ANK1: variants seen among roughly 807,000 people sequenced by gnomAD.
The protein encoded by ANK1 is ankyrin-1.
In ANK1, 51 loss-of-function variants were observed where a neutral mutation model predicts 210.4. The ratio of observed to expected loss-of-function variants is 0.24; its 90% CI spans 0.19 to 0.31. The LOEUF (loss-of-function observed/expected upper bound fraction) is 0.31. ANK1 is among the 10% of genes least tolerant of loss of function. The pLI, the probability that ANK1 is intolerant of heterozygous loss-of-function variation, is 1.00. For synonymous variants in ANK1, 967 were observed against 1,025.9 expected (o/e 0.94, Z 1.10); for missense variants, 2,051 against 2,504.4 (o/e 0.82, Z 3.86).
At chr8:41,708,602 C>T (rs1825329297) in intron 17 of ANK1, among the ~76,000 whole-genome samples, 176 bp downstream of exon 17, 1 of 152,182 alleles carries the variant, frequency 6.6e-6, no homozygotes. Context: ...AATAAGCAAC[C>T]TTTCTGACTC....
chr8:41,672,779 A>G lies in ANK1; in HGVS notation c.4671T>C (p.His1557=). ...TGTCAGACATCTCCAGCATGGTGTC[A>G]TGCTCCGTGGCCGCCAAGGGGATGG... ...LDAIPLAATE[H]DTMLEMSDMQ... is the part of the protein sequence containing the mutation. The change falls in exon 38 of 43, where the codon CAT becomes CAC. Residue 1557 remains histidine, a synonymous_variant. Transcript: ENST00000289734. 6.2e-7 allele frequency: 1 copy of G among 1,603,940 alleles called. No individual in the cohort carries two copies.
At chr8:41,885,773 C>T (rs867563931) in intron 1 of ANK1, among the ~76,000 whole-genome samples, 4 of 152,166 alleles carry the variant, frequency 2.6e-5, no homozygotes, top group African/African-American at 9.7e-5. Context: ...ATCTCTATGC[C>T]GCAGGAGAAT....
At chr8:41,782,907 A>G (rs1345094420) in intron 1 of ANK1, among the ~76,000 whole-genome samples, 1 of 152,214 alleles carries the variant, frequency 6.6e-6, no homozygotes, top group Non-Finnish European at 1.5e-5. Flanking sequence ...TAACTACTGT[A>G]ATCTAAATGG....
At chr8:41,714,005 CAT>C (rs915400532) in intron 16 of ANK1, 149 bp downstream of exon 16, 20 of 485,180 alleles carry the variant, frequency 4.1e-5, no homozygotes, top group African/African-American at 2.4e-4. Flanking sequence ...GGGCAGGTAA[CAT>C]GTGGGAAAGT....
chr8:41,712,253 G>A (rs1212913205), intron 16 of ANK1, among the ~76,000 whole-genome samples: 2 of 152,134 alleles, frequency 1.3e-5, no homozygotes, highest in Admixed American at 1.3e-4. Flanking sequence ...ATGTACAAGG[G>A]TCCATCACTT....
chr8:41,797,609 T>G lies in ANK1; in HGVS notation c.-71A>C. On this transcript the variant is annotated 5_prime_UTR_variant, in exon 1 of 43. Coordinates refer to ENST00000289734, the MANE Select transcript of ANK1 (RefSeq NM_000037.4). The surrounding 1 kb of genome is among the most constrained non-coding windows in gnomAD (Gnocchi z 4.0). ...GGAGGAGCAGCTGGGGCTGGCGGAC[T>G]CACCGCAGCCTCTGCGGGGCCTGTG... 8.1e-6 allele frequency: 13 copies of G among 1,603,932 alleles called. No homozygotes were observed. Among genetic ancestry groups the G allele is most frequent in the Non-Finnish European group, 1.0e-5 (12 of 1,176,474 alleles).
At chr8:41,842,350 G>C (rs936647693) in intron 1 of ANK1, among the ~76,000 whole-genome samples, 3 of 152,126 alleles carry the variant, frequency 2.0e-5, no homozygotes, top group Admixed American at 2.0e-4. Flanking sequence ...AAAATTAGCT[G>C]GGCGTGGTGG....
At chr8:41,748,552 T>C (rs1836753864) in intron 2 of ANK1, among the ~76,000 whole-genome samples, 1 of 152,204 alleles carries the variant, frequency 6.6e-6, no homozygotes, top group South Asian at 2.1e-4. Flanking sequence ...TTGCAGTCTG[T>C]TCCTTCTCAC....
intron 1 of ANK1, among the ~76,000 whole-genome samples, chr8:41,881,028 T>G (rs1417964724): frequency 6.6e-6 from 1 of 152,202 alleles, no homozygotes; most frequent in Non-Finnish European, 1.5e-5. Context: ...CTTGCCAGAG[T>G]ACAGAGAGTT....
chr8:41,783,981 C>T (rs1157487830), intron 1 of ANK1, among the ~76,000 whole-genome samples: 3 of 151,248 alleles, frequency 2.0e-5, no homozygotes, highest in East Asian at 1.9e-4. Context: ...CCCAGGAGGT[C>T]GCGGCTGCAG....
intron 2 of ANK1, among the ~76,000 whole-genome samples, 173 bp from the exon 3 acceptor site, chr8:41,734,242 C>T (rs1832885529): frequency 2.0e-5 from 3 of 152,224 alleles, no homozygotes; most frequent in Admixed American, 2.0e-4. Flanking sequence ...CCAGCCTCCC[C>T]TTCACGCCTC....
chr8:41,823,538 C>G (rs1804831251), intron 1 of ANK1, among the ~76,000 whole-genome samples: 1 of 152,046 alleles, frequency 6.6e-6, no homozygotes, highest in East Asian at 1.9e-4. Flanking sequence ...GCAGGAGGAT[C>G]CCTGAAGTCC....
Position 41,672,690 on chromosome 8 carries a change from C to T in ANK1, c.4760G>A (p.Cys1587Tyr), listed in dbSNP as rs1812795025. Residue 1587 changes from cysteine (C) to tyrosine (Y), a missense_variant, in exon 38 of 43, where the codon TGT (cysteine) becomes TAT (tyrosine). Around this residue, in one of 6 missense-constraint regions of ANK1, gnomAD observed 496 missense variants for 533.4 expected, o/e 0.93. Coordinates refer to ENST00000289734, the MANE Select transcript of ANK1 (RefSeq NM_000037.4). Reference protein sequence around the residue: ...LVTAEDSSLECSKAEDSDATG... With the variant: ...LVTAEDSSLEYSKAEDSDATG... ...GGCATCAGAGTCCTCAGCCTTGCTA[C>T]ACTCCAGAGAGGAGTCCTCAGCAGT... 6.2e-7 allele frequency: 1 copy of T among 1,614,020 alleles called. No homozygotes were observed. The highest frequency in any genetic ancestry group is 8.5e-7 in the Non-Finnish European group (1 of 1,179,898).
intron 1 of ANK1, among the ~76,000 whole-genome samples, chr8:41,844,989 G>T (rs1260568912): frequency 6.6e-6 from 1 of 152,146 alleles, no homozygotes; most frequent in Admixed American, 6.5e-5. Flanking sequence ...GGATTGCAAC[G>T]CGGAAAAGCT....
chr8:41,688,735 A>G lies in ANK1; in HGVS notation c.4105-146T>C, dbSNP rs77766445. The G allele has an allele frequency of 2.5e-3, 1,834 of 745,922 alleles. 24 individuals are homozygous for G. The African/African-American group carries it at 0.029, about 12-fold the overall frequency. 46.2% of individuals were successfully genotyped at this position (745,922 alleles called of 1,614,324 possible). ...TCCGTTTCTTCAGGGACTTAACACA[A>G]AGAGTAACACATGGGAGGAGTGGGA... On this transcript the variant is annotated intron_variant, in intron 33 of 42. Transcript: ENST00000289734.
intron 35 of ANK1, among the ~76,000 whole-genome samples, chr8:41,686,755 C>T (rs1216255221): frequency 1.3e-5 from 2 of 152,162 alleles, no homozygotes; most frequent in African/African-American, 4.8e-5. Flanking sequence ...TGAGCTTATG[C>T]GTCTTCAGGG....
At chr8:41,673,685 C>G (rs773460118) in intron 37 of ANK1, among the ~76,000 whole-genome samples, 1 of 152,220 alleles carries the variant, frequency 6.6e-6, no homozygotes, top group Non-Finnish European at 1.5e-5. Flanking sequence ...GTCCCAGCTG[C>G]AGGTCAGCAC....
At chr8:41,799,336 C>T (rs1045231356), upstream of ANK1, among the ~76,000 whole-genome samples, 4 of 152,176 alleles carry the variant, frequency 2.6e-5, no homozygotes, top group Admixed American at 2.0e-4. Context: ...GCGTGGCATG[C>T]ACCCCACTCA....
In ANK1 at chr8:41,661,902, C is replaced by T. The variant is rs749120821; in HGVS notation, c.5518G>A (p.Ala1840Thr). 36 of 1,613,902 alleles carry T rather than the reference C, an allele frequency of 2.2e-5. No individual in the cohort carries two copies. The Admixed American group carries it at 3.5e-4, about 16-fold the overall frequency. The change falls in exon 41 of 43, where the codon GCC becomes ACC. Residue 1840 changes from alanine to threonine, a missense_variant. Physicochemically the swap from Ala to Thr is moderately conservative, Grantham distance 58. This residue lies in a region of ANK1 where 496 missense variants were observed against 533.4 expected (regional missense o/e 0.93). Coordinates refer to ENST00000289734, the MANE Select transcript of ANK1 (RefSeq NM_000037.4). ...TCCTCGTGCTCCTGGGCGGCATCGG[C>T]GCTGGACAAGTCTATCTGTCGAACC... ...KVVRQIDLSS[A>T]DAAQEHEEVE... is the part of the protein sequence containing the mutation.
Sources: gnomAD v4.1 joint callset for allele counts (sites outside exome capture counted in the v4.1 genomes callset) on GRCh38, gnomAD v4.1.1 for gene constraint, gnomAD v4.1.1 regional missense constraint, Gnocchi (gnomAD v3.1) non-coding constraint, MANE v1.5 for transcripts, NCBI Gene and HGNC (gene_info 2026-07-23, HGNC 2026-07-21) for gene names.